SMAD3: variants seen among roughly 807,000 people sequenced by gnomAD.
The protein encoded by SMAD3 is MAD homolog 3.
A neutral mutation model predicts 51.8 loss-of-function variants in SMAD3; 12 were observed. That is an observed-to-expected ratio of 0.23 (90% confidence interval 0.15 to 0.38). SMAD3 has a LOEUF of 0.38. Ranked by LOEUF, SMAD3 falls within the 10% of genes least tolerant of loss-of-function variation. The pLI is 1.00. For synonymous variants in SMAD3, 238 were observed against 227.7 expected (o/e 1.05, Z -0.41); for missense variants, 294 against 565.6 (o/e 0.52, Z 4.87).
At chr15:67,141,738 A>G (rs1430246354) in intron 1 of SMAD3, among the ~76,000 whole-genome samples, 1 of 152,144 alleles carries the variant, frequency 6.6e-6, no homozygotes, top group African/African-American at 2.4e-5. Flanking sequence ...TTACCTGGAA[A>G]GTCCGATACC....
At chr15:67,132,677 A>G (rs1961554276) in intron 1 of SMAD3, among the ~76,000 whole-genome samples, 1 of 152,198 alleles carries the variant, frequency 6.6e-6, no homozygotes, top group African/African-American at 2.4e-5. Context: ...TGAACTCACC[A>G]ATAGGTTTGA....
rs4776902 is a variant in SMAD3 at position 67,188,571 on chromosome 15, G to A, written c.1154+1062G>A. Among the ~76,000 whole-genome samples the A allele has an allele frequency of 5.6e-3, 860 of 152,310 alleles. 26 individuals carry two copies. The highest frequency in any genetic ancestry group is 0.043 in the Admixed American group (658 of 15,302). On this transcript the variant is annotated intron_variant, in intron 8 of 8. Transcript: ENST00000327367. ...TTTCCACTCACGGACCAAAGTTTGCGGAGAGGCAGGGCTGTGTGCCCCCGC... is the reference window on the plus strand; with the variant it reads ...TTTCCACTCACGGACCAAAGTTTGCAGAGAGGCAGGGCTGTGTGCCCCCGC...
intron 1 of SMAD3, among the ~76,000 whole-genome samples, chr15:67,153,595 C>G (rs907821636): frequency 2.0e-5 from 3 of 152,138 alleles, no homozygotes; most frequent in African/African-American, 7.2e-5. Flanking sequence ...ATTTGCCCCC[C>G]AGGGGACATT....
chr15:67,129,129 A>AACCCCTGGG (rs1267919828), intron 1 of SMAD3, among the ~76,000 whole-genome samples: 6 of 152,286 alleles, frequency 3.9e-5, no homozygotes, highest in South Asian at 4.1e-4. Context: ...AGGCGTCCCC[A>AACCCCTGGG]ACCCCTGGGA....
At chr15:67,116,697 A>G (rs994352897) in intron 1 of SMAD3, among the ~76,000 whole-genome samples, 2 of 152,204 alleles carry the variant, frequency 1.3e-5, no homozygotes, top group African/African-American at 4.8e-5. Flanking sequence ...CTAAATGGGC[A>G]CAGTGAAGGA....
At chr15:67,079,788 A>C (rs767067444) in intron 1 of SMAD3, among the ~76,000 whole-genome samples, 1 of 152,186 alleles carries the variant, frequency 6.6e-6, no homozygotes, top group Non-Finnish European at 1.5e-5. Context: ...TCTGAGCTCT[A>C]CCCCATAGCC....
At chr15:67,102,982 A>G (rs1393944308) in intron 1 of SMAD3, among the ~76,000 whole-genome samples, 1 of 152,140 alleles carries the variant, frequency 6.6e-6, no homozygotes, top group East Asian at 1.9e-4. Flanking sequence ...AACAGGTCCC[A>G]TCTCCTTAGT....
chr15:67,168,584 A>G (rs1038382071), intron 4 of SMAD3, among the ~76,000 whole-genome samples: 8 of 152,162 alleles, frequency 5.3e-5, no homozygotes, highest in African/African-American at 1.9e-4. Context: ...ACAAACAAAC[A>G]TGGACCAGAG....
At chr15:67,071,522 A>G (rs1475473411) in intron 1 of SMAD3, among the ~76,000 whole-genome samples, 1 of 152,140 alleles carries the variant, frequency 6.6e-6, no homozygotes, top group Non-Finnish European at 1.5e-5. Context: ...TAAAAAGTGG[A>G]CAACTTGGCT....
At chr15:67,165,700 G>A (rs748611130) in intron 3 of SMAD3, among the ~76,000 whole-genome samples, 4 of 152,186 alleles carry the variant, frequency 2.6e-5, no homozygotes, top group Non-Finnish European at 4.4e-5. Flanking sequence ...CTTGAGGCCC[G>A]GACTGGTGTT....
At chr15:67,075,074 T>G (rs1595886353) in intron 1 of SMAD3, among the ~76,000 whole-genome samples, 2 of 152,310 alleles carry the variant, frequency 1.3e-5, no homozygotes, top group East Asian at 3.9e-4. Flanking sequence ...GGGTGTGTGT[T>G]TTTTAAAGGT....
At chr15:67,127,072 C>T (rs1326034386) in intron 1 of SMAD3, among the ~76,000 whole-genome samples, 1 of 152,182 alleles carries the variant, frequency 6.6e-6, no homozygotes, top group Non-Finnish European at 1.5e-5. Context: ...AGCTCTCAGA[C>T]AGACAAGGTA....
chr15:67,147,776 C>T (rs1408635297), intron 1 of SMAD3, among the ~76,000 whole-genome samples: 2 of 152,192 alleles, frequency 1.3e-5, no homozygotes, highest in Non-Finnish European at 2.9e-5. Context: ...GCCTCCCTCA[C>T]CTTTCTGGTT....
At chr15:67,185,118 T>A (rs971389423) in intron 7 of SMAD3, among the ~76,000 whole-genome samples, 14 of 152,220 alleles carry the variant, frequency 9.2e-5, no homozygotes, top group East Asian at 7.7e-4. Context: ...TGTGCGTAGA[T>A]GCTCAGGCAG....
intron 1 of SMAD3, among the ~76,000 whole-genome samples, chr15:67,080,284 G>A (rs1343530107): frequency 2.6e-5 from 4 of 152,228 alleles, no homozygotes; most frequent in African/African-American, 4.8e-5. Flanking sequence ...AAAACTGGAC[G>A]AGATGTTGAA....
Position 67,187,349 on chromosome 15 carries a change from T to C in SMAD3, c.1010-16T>C, listed in dbSNP as rs966068807. On this transcript the variant is annotated splice_polypyrimidine_tract_variant and intron_variant, in intron 7 of 8. Coordinates refer to ENST00000327367, the MANE Select transcript of SMAD3 (RefSeq NM_005902.4). ...CCACTTCCATCCCCACAGCCCTGTTTCTGTGTTTTTGGCAGGATGCAACCT... is the reference window on the plus strand; with the variant it reads ...CCACTTCCATCCCCACAGCCCTGTTCCTGTGTTTTTGGCAGGATGCAACCT... 1.2e-6 allele frequency: 2 copies of C among 1,614,016 alleles called. No homozygotes were observed. Among genetic ancestry groups the C allele is most frequent in the African/African-American group, 2.7e-5 (2 of 74,912 alleles).
At chr15:67,188,668 A>C (rs1963286465) in intron 8 of SMAD3, among the ~76,000 whole-genome samples, 1 of 152,250 alleles carries the variant, frequency 6.6e-6, no homozygotes, top group Non-Finnish European at 1.5e-5. Context: ...CATGTCAGCT[A>C]GAGCCAGCGC....
At position 67,194,411 on chromosome 15, in the gene SMAD3, G is replaced by C. The variant is rs1002179074; in HGVS notation, c.*3875G>C. ...GGTGGGGAGATGATGGGCTAAACAGGCAACTTTTCAAAAACACAGCTATCA... is the reference window on the plus strand; with the variant it reads ...GGTGGGGAGATGATGGGCTAAACAGCCAACTTTTCAAAAACACAGCTATCA... On this transcript the variant is annotated 3_prime_UTR_variant, in exon 9 of 9. Transcript: ENST00000327367. 2.6e-5 allele frequency: 6 copies of C among 233,184 alleles called. No homozygotes were observed. Among genetic ancestry groups the C allele is most frequent in the African/African-American group, 6.6e-5 (3 of 45,318 alleles). The allele number at this position is 233,184 out of a possible 1,614,324, so 14.4% of individuals were successfully genotyped here.
At position 67,160,598 on chromosome 15, in the gene SMAD3, C is replaced by T. The variant is rs113879219; in HGVS notation, c.207-4297C>T. Among the ~76,000 whole-genome samples, 632 of 151,902 alleles carry T rather than the reference C, an allele frequency of 4.2e-3. 7 individuals carry two copies. The highest frequency in any genetic ancestry group is 0.014 in the African/African-American group (574 of 41,414). On this transcript the variant is annotated intron_variant, in intron 1 of 8. Coordinates refer to ENST00000327367, the MANE Select transcript of SMAD3 (RefSeq NM_005902.4). ...CCATCCTGGTTAACACATGAAACCC[C>T]GTCTCTACTAAAAATACGAAAAATT...
Sources: allele counts gnomAD v4.1 joint callset (sites outside exome capture counted in the v4.1 genomes callset), GRCh38; gene constraint gnomAD v4.1.1; transcripts MANE v1.5; gene names NCBI Gene and HGNC (gene_info 2026-07-23, HGNC 2026-07-21).